ANXA13: variants seen among roughly 807,000 people sequenced by gnomAD.
ANXA13 encodes annexin A13.
In ANXA13, 36 loss-of-function variants were observed where a neutral mutation model predicts 46.6. That is an observed-to-expected ratio of 0.77 (90% CI 0.59 to 1.02). ANXA13 has a LOEUF of 1.02. Ranked by LOEUF, ANXA13 falls within the 50% of genes least tolerant of loss-of-function variation. ANXA13 has a pLI of 0.00. For missense variants in ANXA13, 417 were observed against 396.5 expected (o/e 1.05, Z -0.44); for synonymous variants, 163 against 152.9 (o/e 1.07, Z -0.49).
intron 8 of ANXA13, among the ~76,000 whole-genome samples, chr8:123,689,581 T>C (rs1331432430): frequency 6.6e-6 from 1 of 152,148 alleles, no homozygotes; most frequent in Admixed American, 6.5e-5. Context: ...TCTGGGGTGA[T>C]TCCAAATAAT....
intron 1 of ANXA13, chr8:123,735,923 A>C (rs1387119585): frequency 6.5e-7 from 1 of 1,547,698 alleles, no homozygotes; most frequent in Non-Finnish European, 8.7e-7. Flanking sequence ...CCACTCCTAA[A>C]GGCCAGCTGC....
In ANXA13 at chr8:123,688,799, A is replaced by G. The variant is rs1813182715; in HGVS notation, c.718+72T>C. The G allele has an allele frequency of 1.4e-6, 2 of 1,385,786 alleles. 1 individual carries two copies. Among genetic ancestry groups the G allele is most frequent in the South Asian group, 2.3e-5 (2 of 86,268 alleles). 85.8% of individuals were successfully genotyped at this position (1,385,786 alleles called of 1,614,324 possible). Reference sequence around the variant, plus strand: ...AAGCTATTCCCTCAAATCTTCCTACACACAAACCTCTGTCTGAGTCTGGTT... The same window carrying G: ...AAGCTATTCCCTCAAATCTTCCTACGCACAAACCTCTGTCTGAGTCTGGTT... On this transcript the variant is annotated intron_variant, in intron 9 of 10. Coordinates refer to ENST00000419625, the MANE Select transcript of ANXA13 (RefSeq NM_004306.4).
intron 2 of ANXA13, 142 bp downstream of exon 2, chr8:123,712,536 G>T (rs1344559454): frequency 1.4e-6 from 1 of 733,506 alleles, no homozygotes; most frequent in Non-Finnish European, 2.4e-6. Flanking sequence ...TAATAAAGAG[G>T]TTAGTGGAAG....
intron 9 of ANXA13, among the ~76,000 whole-genome samples, chr8:123,686,378 T>C (rs1463504722): frequency 1.3e-5 from 2 of 151,346 alleles, no homozygotes; most frequent in Non-Finnish European, 1.5e-5. Flanking sequence ...GAGAACCACT[T>C]GAACCCGGGA....
At chr8:123,684,983 G>GA in intron 9 of ANXA13, among the ~76,000 whole-genome samples, 1 of 152,320 alleles carries the variant, frequency 6.6e-6, no homozygotes, top group East Asian at 1.9e-4. Flanking sequence ...GGCCCTCCCG[G>GA]CCACGTCCAT....
chr8:123,695,466 A>G (rs1264819800), intron 6 of ANXA13, 36 bp downstream of exon 6: 31 of 1,523,788 alleles, frequency 2.0e-5, no homozygotes, highest in Non-Finnish European at 2.8e-5. Flanking sequence ...ATTCTTTCCT[A>G]AGATGATAAA....
At chr8:123,707,712 G>A (rs2129883793) in intron 2 of ANXA13, among the ~76,000 whole-genome samples, 1 of 152,210 alleles carries the variant, frequency 6.6e-6, no homozygotes, top group South Asian at 2.1e-4. Flanking sequence ...AGGGGCAAGG[G>A]GAGGGATAGC....
intron 4 of ANXA13, among the ~76,000 whole-genome samples, chr8:123,697,870 T>A (rs13269492): frequency 6.6e-6 from 1 of 152,062 alleles, no homozygotes; most frequent in Non-Finnish European, 1.5e-5. Context: ...ATGTGCCGAG[T>A]GACATCCCTC....
At chr8:123,703,757 A>G (rs1000076265) in intron 2 of ANXA13, among the ~76,000 whole-genome samples, 3 of 152,210 alleles carry the variant, frequency 2.0e-5, no homozygotes, top group Admixed American at 1.3e-4. Flanking sequence ...CTGATGCTCA[A>G]AGTAATACAA....
At chr8:123,724,157 TC>T in intron 1 of ANXA13, among the ~76,000 whole-genome samples, 1 of 152,262 alleles carries the variant, frequency 6.6e-6, no homozygotes. Flanking sequence ...CTGGGAGGGC[TC>T]AATCAGACCT....
intron 4 of ANXA13, 77 bp from the exon 5 acceptor site, chr8:123,695,798 G>A (rs747355816): frequency 2.8e-5 from 36 of 1,302,722 alleles, no homozygotes; most frequent in Non-Finnish European, 4.0e-5. Flanking sequence ...AGAAGAGGCG[G>A]GAGACCATGT....
intron 1 of ANXA13, among the ~76,000 whole-genome samples, chr8:123,720,120 G>A (rs562673317): frequency 6.6e-6 from 1 of 152,304 alleles, no homozygotes; most frequent in South Asian, 2.1e-4. Flanking sequence ...TTGGCTGGCT[G>A]CACTCTGCTC....
At chr8:123,704,186 G>A (rs1195705916) in intron 2 of ANXA13, among the ~76,000 whole-genome samples, 2 of 152,152 alleles carry the variant, frequency 1.3e-5, no homozygotes, top group Admixed American at 6.5e-5. Context: ...CATGCAGGGT[G>A]TGCACAGGGA....
chr8:123,689,530 G>C (rs532468210), intron 8 of ANXA13, among the ~76,000 whole-genome samples: 9 of 152,122 alleles, frequency 5.9e-5, no homozygotes, highest in African/African-American at 1.9e-4. Context: ...AGGGCTGGGA[G>C]CCGGGGGTGC....
chr8:123,690,967 T>G lies in ANXA13; in HGVS notation c.643-2021A>C, dbSNP rs1813230969. Among the ~76,000 whole-genome samples, 1 of 152,232 alleles carries G rather than the reference T, an allele frequency of 6.6e-6. No homozygotes were observed. Among genetic ancestry groups the G allele is most frequent in the African/African-American group, 2.4e-5 (1 of 41,458 alleles). Reference sequence around the variant, plus strand: ...GGGTATGCATACCTACTGTTTATGCTGAGCCCTGTTTGGGGACTTTACTTT... The same window carrying G: ...GGGTATGCATACCTACTGTTTATGCGGAGCCCTGTTTGGGGACTTTACTTT... On this transcript the variant is annotated intron_variant, in intron 8 of 10. Transcript: ENST00000419625. This position sits in a 1 kb window ranked among gnomAD's most constrained non-coding sequence, Gnocchi z 4.6.
intron 1 of ANXA13, among the ~76,000 whole-genome samples, chr8:123,722,374 G>GAAAGAA (rs566417289): frequency 9.1e-6 from 1 of 110,480 alleles, no homozygotes; most frequent in Non-Finnish European, 2.0e-5. Flanking sequence ...AAGAAAGAAA[G>GAAAGAA]AAAGAAAGAA....
intron 10 of ANXA13, 56 bp downstream of exon 10, chr8:123,684,554 A>C (rs1384210126): frequency 8.6e-7 from 1 of 1,169,004 alleles, no homozygotes; most frequent in African/African-American, 1.5e-5. Flanking sequence ...TGATGACATC[A>C]GTGGTGGAAA....
chr8:123,705,750 G>A (rs1813526811), intron 2 of ANXA13, among the ~76,000 whole-genome samples: 1 of 152,184 alleles, frequency 6.6e-6, no homozygotes, highest in East Asian at 1.9e-4. Context: ...AATGCATTTT[G>A]ATGGAAGGGT....
At chr8:123,709,872 C>CCT (rs981100116) in intron 2 of ANXA13, among the ~76,000 whole-genome samples, 9 of 152,206 alleles carry the variant, frequency 5.9e-5, no homozygotes, top group African/African-American at 2.2e-4. Context: ...GATTCTCCTG[C>CCT]CTCAGCCTCC....
Sources: allele counts gnomAD v4.1 joint callset (sites outside exome capture counted in the v4.1 genomes callset), GRCh38; gene constraint gnomAD v4.1.1; non-coding constraint Gnocchi (gnomAD v3.1); transcripts MANE v1.5; gene names NCBI Gene and HGNC (gene_info 2026-07-23, HGNC 2026-07-21).